HCRTR2: variants seen among roughly 807,000 people sequenced by gnomAD.
HCRTR2 encodes the protein hypocretin receptor 2, also known as orexin receptor type 2.
In HCRTR2, 22 loss-of-function variants were observed where a neutral mutation model predicts 49.0. That is an observed-to-expected ratio of 0.45 (90% CI 0.32 to 0.64). The LOEUF is 0.64. Among genes scored for constraint, HCRTR2 ranks in the 30% least tolerant of loss-of-function variants. The pLI, the probability that HCRTR2 is intolerant of heterozygous loss-of-function variation, is 0.04. For missense variants in HCRTR2, 491 were observed against 559.4 expected, an observed-to-expected ratio of 0.88 and a Z score of 1.23; for synonymous variants, 236 against 205.3, an observed-to-expected ratio of 1.15 and a Z score of -1.28.
chr6:55,227,400 A>G (rs1005509227), intron 1 of HCRTR2, among the ~76,000 whole-genome samples: 1 of 152,278 alleles, frequency 6.6e-6, no homozygotes, highest in East Asian at 1.9e-4. Flanking sequence ...ACTCTATCCA[A>G]TTCTATTTCT....
At chr6:55,280,717 A>C (rs1284015977) in intron 6 of HCRTR2, among the ~76,000 whole-genome samples, 1 of 152,204 alleles carries the variant, frequency 6.6e-6, no homozygotes, top group African/African-American at 2.4e-5. Context: ...AAAATCTTAC[A>C]TGACATACTT....
intron 1 of HCRTR2, among the ~76,000 whole-genome samples, chr6:55,183,785 A>G (rs1765171476): frequency 6.6e-6 from 1 of 152,198 alleles, no homozygotes; most frequent in Non-Finnish European, 1.5e-5. Flanking sequence ...TACGTGCTGC[A>G]TACAAAACAA....
chr6:55,222,655 C>T (rs1423704255), intron 1 of HCRTR2, among the ~76,000 whole-genome samples: 3 of 152,022 alleles, frequency 2.0e-5, no homozygotes, highest in African/African-American at 7.2e-5. Context: ...CCTTGAGGAC[C>T]TTATACTAAA....
At chr6:55,175,084 G>A (rs1365700448) in intron 1 of HCRTR2, among the ~76,000 whole-genome samples, 1 of 152,094 alleles carries the variant, frequency 6.6e-6, no homozygotes, top group Non-Finnish European at 1.5e-5. Flanking sequence ...CGCAGGGAGA[G>A]GGGCCGCGGC....
intron 1 of HCRTR2, among the ~76,000 whole-genome samples, chr6:55,156,312 C>G (rs578094631): frequency 6.6e-6 from 1 of 152,014 alleles, no homozygotes; most frequent in South Asian, 2.1e-4. Flanking sequence ...ACCAATTCTT[C>G]TCATAATCTA....
Position 55,245,498 on chromosome 6 carries a change from T to TATATATAC in HCRTR2, c.224-3134_224-3133insCATATATA, listed in dbSNP as rs1198145474. Among the ~76,000 whole-genome samples, 19 of 132,778 alleles carry TATATATAC rather than the reference T, an allele frequency of 1.4e-4. No homozygotes were observed. In the East Asian group the frequency reaches 3.6e-3, roughly 25 times the overall value. The allele number at this position is 132,778 out of a possible 152,430, so 87.1% of individuals were successfully genotyped here. On this transcript the variant is annotated intron_variant, in intron 1 of 6. Coordinates refer to ENST00000370862, the MANE Select transcript of HCRTR2 (RefSeq NM_001384272.1). ...ATATATATATATATATATATATATA[T>TATATATAC]ATATATATCTTCCCCAAAAGTGTGC...
chr6:55,211,403 A>G (rs1333011701), intron 1 of HCRTR2, among the ~76,000 whole-genome samples: 1 of 152,210 alleles, frequency 6.6e-6, no homozygotes, highest in Non-Finnish European at 1.5e-5. Context: ...ATTACTGTTA[A>G]GGCAACTTGG....
At chr6:55,142,665 A>G (rs1166945201) in intron 1 of HCRTR2, among the ~76,000 whole-genome samples, 1 of 152,096 alleles carries the variant, frequency 6.6e-6, no homozygotes, top group Non-Finnish European at 1.5e-5. Flanking sequence ...TTGTTTTTGC[A>G]GCATCGTTTT....
intron 1 of HCRTR2, among the ~76,000 whole-genome samples, chr6:55,178,691 A>G (rs1415083421): frequency 1.3e-5 from 2 of 152,116 alleles, no homozygotes; most frequent in Non-Finnish European, 2.9e-5. Flanking sequence ...ATATTTTCCT[A>G]AAAGGTGTGA....
intron 1 of HCRTR2, among the ~76,000 whole-genome samples, chr6:55,235,162 C>G (rs1457270891): frequency 6.6e-6 from 1 of 152,008 alleles, no homozygotes; most frequent in East Asian, 1.9e-4. Flanking sequence ...TACGGATTTC[C>G]TTTTGTTGGC....
chr6:55,247,134 TTGTGTGTGTGTGAATATG>T (rs892224756), intron 1 of HCRTR2, among the ~76,000 whole-genome samples: 1 of 151,778 alleles, frequency 6.6e-6, no homozygotes, highest in Non-Finnish European at 1.5e-5. Context: ...TAGGGTGGGT[TTGTGTGTGTGTGAATATG>T]TGTGTGTGTG....
intron 1 of HCRTR2, among the ~76,000 whole-genome samples, chr6:55,112,712 C>T (rs922788623): frequency 1.3e-4 from 20 of 151,972 alleles, no homozygotes; most frequent in African/African-American, 4.8e-4. Context: ...AATGACAATA[C>T]TGCAAAAGCG....
intron 1 of HCRTR2, among the ~76,000 whole-genome samples, chr6:55,144,108 T>A (rs1410453887): frequency 2.6e-4 from 7 of 26,874 alleles, no homozygotes; most frequent in Non-Finnish European, 7.8e-4. Context: ...CCTTTTTTTT[T>A]TTTTTTTTTT....
intron 1 of HCRTR2, among the ~76,000 whole-genome samples, chr6:55,232,544 T>C (rs1258119948): frequency 6.6e-6 from 1 of 152,212 alleles, no homozygotes; most frequent in African/African-American, 2.4e-5. Flanking sequence ...CAATCTCTGA[T>C]TGCAGATCAA....
chr6:55,245,701 A>G (rs1766430179), intron 1 of HCRTR2, among the ~76,000 whole-genome samples: 1 of 151,386 alleles, frequency 6.6e-6, no homozygotes, highest in African/African-American at 2.4e-5. Context: ...GAATAAAATA[A>G]CCAGGGTGAT....
chr6:55,177,780 C>T (rs1484543711), intron 1 of HCRTR2, among the ~76,000 whole-genome samples: 2 of 152,110 alleles, frequency 1.3e-5, no homozygotes, highest in Non-Finnish European at 2.9e-5. Context: ...CCCATAGTCC[C>T]TCTTTATCAC....
At chr6:55,119,884 T>A (rs1764171717) in intron 1 of HCRTR2, among the ~76,000 whole-genome samples, 1 of 152,154 alleles carries the variant, frequency 6.6e-6, no homozygotes. Flanking sequence ...GGTTTTCTTC[T>A]AGGATTTTTA....
intron 1 of HCRTR2, among the ~76,000 whole-genome samples, chr6:55,220,045 AATG>A (rs1394813051): frequency 1.3e-5 from 2 of 152,142 alleles, no homozygotes; most frequent in Non-Finnish European, 2.9e-5. Flanking sequence ...AGATTAAATC[AATG>A]ATCAGAAACT....
At chr6:55,191,062 C>T (rs766188431) in intron 1 of HCRTR2, among the ~76,000 whole-genome samples, 1 of 151,998 alleles carries the variant, frequency 6.6e-6, no homozygotes, top group Non-Finnish European at 1.5e-5. Flanking sequence ...GGCAAGAAAG[C>T]AAGAAATTAC....
Sources: gnomAD v4.1 joint callset for allele counts (sites outside exome capture counted in the v4.1 genomes callset) on GRCh38, gnomAD v4.1.1 for gene constraint, MANE v1.5 for transcripts, NCBI Gene and HGNC (gene_info 2026-07-23, HGNC 2026-07-21) for gene names.